The following EXOSC4 variants were observed in gnomAD, a reference collection of about 807,000 sequenced individuals.
EXOSC4 encodes the protein exosome component 4.
Under a neutral mutation model 20.0 loss-of-function variants are expected in EXOSC4, and 14 were observed. That is an observed-to-expected ratio of 0.70 (90% confidence interval 0.46 to 1.09). The LOEUF is 1.09. Ranked by LOEUF, EXOSC4 falls within the 50% of genes least tolerant of loss-of-function variation. The probability of loss-of-function intolerance (pLI) is 0.00; values close to 1 mark genes in which losing one functional copy is unlikely to be tolerated. For missense variants in EXOSC4, 337 were observed against 334.0 expected, an observed-to-expected ratio of 1.01 and a Z score of -0.07; for synonymous variants, 148 against 146.4, an observed-to-expected ratio of 1.01 and a Z score of -0.08.
At chr8:144,071,472 G>A in the EXOSC4 span, among the ~76,000 whole-genome samples, 72,260 of 146,444 alleles carry the variant, frequency 0.49, 20,891 homozygotes, top group African/African-American at 0.81. Flanking sequence ...CACGTGGCTA[G>A]TTTTTTGTAT....
In EXOSC4 at chr8:144,079,964, G is replaced by C. The variant is rs868917199; in HGVS notation, c.193G>C (p.Ala65Pro). 5 of 1,614,056 alleles carry C rather than the reference G, an allele frequency of 3.1e-6. No individual in the cohort carries two copies. The highest frequency in any genetic ancestry group is 3.3e-4 in the Middle Eastern group (2 of 6,062). ...PHEIRGSRAR[A>P]LPDRALVNCQ... ...CCAGATCCGGGGCTCCCGGGCTCGA[G>C]CCCTGCCGGACAGGGCCCTAGTGAA... The change falls in exon 2 of 3, where the codon GCC (alanine) becomes CCC (proline). Residue 65 changes from alanine (A) to proline (P), a missense_variant. By Grantham distance (27) the Ala-to-Pro change is conservative. Coordinates refer to ENST00000316052, the MANE Select transcript of EXOSC4 (RefSeq NM_019037.3).
chr8:144,064,457 CA>C, the EXOSC4 span, among the ~76,000 whole-genome samples: 2 of 152,236 alleles, frequency 1.3e-5, no homozygotes, highest in Non-Finnish European at 2.9e-5. Flanking sequence ...AGGAGCTGGA[CA>C]GCAGCAACCA....
chr8:144,076,410 G>T (rs1281649419), upstream of EXOSC4, among the ~76,000 whole-genome samples: 1 of 152,142 alleles, frequency 6.6e-6, no homozygotes, highest in African/African-American at 2.4e-5. Flanking sequence ...GGGTCTTGGG[G>T]ATACCTCTCA....
chr8:144,075,916 A>C (rs1317281063), upstream of EXOSC4, among the ~76,000 whole-genome samples: 2 of 152,246 alleles, frequency 1.3e-5, no homozygotes, highest in African/African-American at 4.8e-5. Flanking sequence ...TTTCAAAAGA[A>C]GACTGCATAG....
At chr8:144,067,528 G>A in the EXOSC4 span, among the ~76,000 whole-genome samples, 1 of 152,120 alleles carries the variant, frequency 6.6e-6, no homozygotes, top group African/African-American at 2.4e-5. Context: ...AAGTTAACAA[G>A]ATAAAAAAAT....
the EXOSC4 span, among the ~76,000 whole-genome samples, chr8:144,072,720 C>A: frequency 1.3e-5 from 2 of 152,342 alleles, no homozygotes; most frequent in African/African-American, 4.8e-5. Flanking sequence ...ATGCAAATGA[C>A]AGGATTTCAT....
upstream of EXOSC4, among the ~76,000 whole-genome samples, chr8:144,075,149 A>G (rs910192136): frequency 1.3e-5 from 2 of 151,050 alleles, no homozygotes; most frequent in Admixed American, 1.3e-4. Context: ...TGCAGCCTTG[A>G]CCTCCTGGGC....
chr8:144,076,939 T>C (rs138960490), upstream of EXOSC4, among the ~76,000 whole-genome samples: 8,165 of 152,064 alleles, frequency 0.054, 781 homozygotes, highest in African/African-American at 0.19. Context: ...GGCATGGTGG[T>C]GCATGCCTGT....
chr8:144,071,647 A>C, the EXOSC4 span, among the ~76,000 whole-genome samples: 1 of 151,210 alleles, frequency 6.6e-6, no homozygotes, highest in Non-Finnish European at 1.5e-5. Flanking sequence ...GAAAGAGGAT[A>C]GTGTGACTCT....
the EXOSC4 span, among the ~76,000 whole-genome samples, chr8:144,069,928 T>C: frequency 1.3e-5 from 2 of 152,180 alleles, no homozygotes. Context: ...GGGTGACTAG[T>C]CCAGAGCATT....
chr8:144,067,551 A>G, the EXOSC4 span, among the ~76,000 whole-genome samples: 1 of 152,268 alleles, frequency 6.6e-6, no homozygotes, highest in Admixed American at 6.5e-5. Context: ...TTCATCACAT[A>G]TAAGAGAACC....
upstream of EXOSC4, among the ~76,000 whole-genome samples, chr8:144,077,436 A>C (rs1835846367): frequency 6.6e-6 from 1 of 152,176 alleles, no homozygotes; most frequent in Admixed American, 6.5e-5. Context: ...CAGCTGCAGC[A>C]GCAGGGTTGT....
the EXOSC4 span, among the ~76,000 whole-genome samples, chr8:144,070,540 AT>A: frequency 7.1e-6 from 1 of 140,160 alleles, no homozygotes; most frequent in Non-Finnish European, 1.5e-5. Flanking sequence ...AAAAAAAAAA[AT>A]TGGGGCTGGG....
chr8:144,078,813 A>C lies in EXOSC4; in HGVS notation c.85A>C (p.Met29Leu), dbSNP rs782365848. The C allele has an allele frequency of 1.3e-6, 2 of 1,578,826 alleles. No individual in the cohort carries two copies. Among genetic ancestry groups the C allele is most frequent in the Non-Finnish European group, 8.6e-7 (1 of 1,165,124 alleles). The change falls in exon 1 of 3, where the codon ATG becomes CTG. Residue 29 changes from methionine (M) to leucine (L), a missense_variant. Met to Leu is a conservative substitution (Grantham distance 15). Coordinates refer to ENST00000316052, the MANE Select transcript of EXOSC4 (RefSeq NM_019037.3). The surrounding 1 kb of genome is among the most constrained non-coding windows in gnomAD (Gnocchi z 4.7). ...AGELRKIQAR[M>L]GVFAQADGSA... ...GGAGCTGCGCAAGATCCAGGCGCGG[A>C]TGGGCGTGTTCGCGCAGGCTGACGG...
At position 144,079,964 on chromosome 8, in the gene EXOSC4, GCCCT is replaced by G; in HGVS notation, c.194_197del (p.Ala65GlyfsTer6). 1.9e-6 allele frequency: 3 copies of G among 1,614,056 alleles called. No homozygotes were observed. In the South Asian group the frequency reaches 3.3e-5, roughly 18 times the overall value. On this transcript the variant is annotated frameshift_variant, in exon 2 of 3. Transcript: ENST00000316052. LOFTEE classifies it high-confidence loss of function. ...CCAGATCCGGGGCTCCCGGGCTCGA[GCCCT>G]GCCGGACAGGGCCCTAGTGAACTGT...
At chr8:144,071,189 CT>C in the EXOSC4 span, among the ~76,000 whole-genome samples, 1 of 59,692 alleles carries the variant, frequency 1.7e-5, no homozygotes, top group African/African-American at 7.6e-5. Flanking sequence ...TCCCCTCCCC[CT>C]TCCCCTCTCC....
chr8:144,072,620 C>A, the EXOSC4 span, among the ~76,000 whole-genome samples: 1 of 152,190 alleles, frequency 6.6e-6, no homozygotes. Context: ...GCAAGATCAA[C>A]TTTTTTAGCT....
chr8:144,078,608 A>G (rs1835860640), upstream of EXOSC4: 1 of 1,147,446 alleles, frequency 8.7e-7, no homozygotes, highest in Non-Finnish European at 1.1e-6. The surrounding 1 kb of genome is among the most constrained non-coding windows in gnomAD (Gnocchi z 4.7). Context: ...AGTTCCCCGG[A>G]ACCGGAAGTG....
chr8:144,079,796 G>C (rs1377049395), intron 1 of EXOSC4, 147 bp from the exon 2 acceptor site: 3 of 822,538 alleles, frequency 3.6e-6, no homozygotes, highest in East Asian at 2.4e-5. Flanking sequence ...GCAAGACAGA[G>C]AGCGCAAAAC....
Sources: gnomAD v4.1 joint callset for allele counts (sites outside exome capture counted in the v4.1 genomes callset) on GRCh38, gnomAD v4.1.1 for gene constraint, Gnocchi (gnomAD v3.1) non-coding constraint, MANE v1.5 for transcripts, NCBI Gene and HGNC (gene_info 2026-07-23, HGNC 2026-07-21) for gene names.